TTC7A: variants seen among roughly 807,000 people sequenced by gnomAD.
The protein encoded by TTC7A is tetratricopeptide repeat domain 7A.
A neutral mutation model predicts 103.7 loss-of-function variants in TTC7A; 110 were observed. That is an observed-to-expected ratio of 1.06 (90% CI 0.91 to 1.24). The LOEUF (loss-of-function observed/expected upper bound fraction) is 1.24. Among genes scored for constraint, TTC7A ranks in the 50% most tolerant of loss-of-function variants. The probability of loss-of-function intolerance (pLI) is 0.00; values close to 1 mark genes in which losing one functional copy is unlikely to be tolerated. For missense variants in TTC7A, 1,340 were observed against 1,116.3 expected (o/e 1.20, Z -2.86); for synonymous variants, 521 against 467.9 (o/e 1.11, Z -1.47).
intron 2 of TTC7A, chr2:46,951,770 G>A (rs947644185): frequency 1.7e-5 from 7 of 419,268 alleles, no homozygotes; most frequent in African/African-American, 4.1e-5. Context: ...TTATTCCAAC[G>A]TACTGTGTGC....
intron 1 of TTC7A, among the ~76,000 whole-genome samples, chr2:46,942,729 C>T (rs1026818189): frequency 6.6e-6 from 1 of 152,120 alleles, no homozygotes; most frequent in Non-Finnish European, 1.5e-5. Context: ...GGATTTGTGC[C>T]CAGGTTTCTG....
At chr2:46,989,055 A>G (rs1221462351) in intron 5 of TTC7A, among the ~76,000 whole-genome samples, 4 of 152,188 alleles carry the variant, frequency 2.6e-5, no homozygotes, top group Non-Finnish European at 4.4e-5. Flanking sequence ...TGAGTAAGGT[A>G]AAGGAAGGGC....
At chr2:46,991,255 C>G (rs1367320248) in intron 5 of TTC7A, among the ~76,000 whole-genome samples, 2 of 151,958 alleles carry the variant, frequency 1.3e-5, no homozygotes, top group African/African-American at 4.8e-5. Flanking sequence ...GGGTGGGGGT[C>G]TCAGAATTTG....
chr2:47,061,049 C>T, intron 19 of TTC7A, 78 bp downstream of exon 19: 3 of 1,405,800 alleles, frequency 2.1e-6, no homozygotes, highest in South Asian at 2.7e-5. Flanking sequence ...CCCTCCTTGT[C>T]CCCATACTCC....
At chr2:47,035,139 GAT>G (rs2104628273) in intron 15 of TTC7A, 1 of 152,304 alleles carries the variant, frequency 6.6e-6, no homozygotes, top group South Asian at 2.1e-4. Context: ...GAGCAGGGGG[GAT>G]GAGTCCCGGG....
upstream of TTC7A, among the ~76,000 whole-genome samples, chr2:46,939,567 G>A (rs1670158571): frequency 6.6e-6 from 1 of 152,192 alleles, no homozygotes; most frequent in African/African-American, 2.4e-5. Flanking sequence ...TTCACTAGGT[G>A]CTCTACAACC....
intron 19 of TTC7A, among the ~76,000 whole-genome samples, chr2:47,061,323 A>C (rs146814712): frequency 2.1e-4 from 32 of 152,268 alleles, no homozygotes; most frequent in Non-Finnish European, 4.0e-4. Flanking sequence ...CCTTGCCCTG[A>C]AGGCTAATCC....
rs116977662 is a variant in TTC7A, at chr2:47,008,081, C to T, written c.1287+1357C>T. 5.0e-4 allele frequency among the ~76,000 whole-genome samples: 76 copies of T among 152,182 alleles called. No individual in the cohort carries two copies. In the East Asian group the frequency reaches 0.012, roughly 25 times the overall value. On this transcript the variant is annotated intron_variant, in intron 10 of 19. Transcript: ENST00000319190. ...CAGCCTGGGGTAGTAGGGACAGGGCCGGGAGGAGGTGGGGCTGGATCTTCC... is the reference window on the plus strand; with the variant it reads ...CAGCCTGGGGTAGTAGGGACAGGGCTGGGAGGAGGTGGGGCTGGATCTTCC...
intron 4 of TTC7A, among the ~76,000 whole-genome samples, chr2:46,977,776 T>C (rs760713403): frequency 2.6e-5 from 4 of 152,186 alleles, no homozygotes; most frequent in Non-Finnish European, 4.4e-5. Context: ...CCTCACTCTT[T>C]TGCCCAGGCT....
rs143287064 is a variant in TTC7A at position 46,976,820 on chromosome 2, C to G, written c.648+1717C>G. Among the ~76,000 whole-genome samples, 906 of 152,318 alleles carry G rather than the reference C, an allele frequency of 5.9e-3. 21 individuals carry two copies. Among genetic ancestry groups the G allele is most frequent in the Non-Finnish European group, 1.9e-3 (129 of 68,028 alleles). ...GTCCCCTGAGGGCAAAGTCACCCCCCTGCTGACAGCCACTGCTCTAGAAGA... is the reference window on the plus strand; with the variant it reads ...GTCCCCTGAGGGCAAAGTCACCCCCGTGCTGACAGCCACTGCTCTAGAAGA... On this transcript the variant is annotated intron_variant, in intron 4 of 19. Transcript: ENST00000319190.
rs1315941910 is a variant in TTC7A, at chr2:46,994,089, G to C, written c.844-268G>C. On this transcript the variant is annotated intron_variant, in intron 6 of 19. Transcript: ENST00000319190. ...GGCTGGGCTCCAAGGGGTCAGGAGA[G>C]GGAGGAAATGCTCCTCTTGTCTAGG... 8 of 455,260 alleles carry C rather than the reference G, an allele frequency of 1.8e-5. No homozygotes were observed. The East Asian group carries it at 3.1e-4, about 17-fold the overall frequency. The allele number at this position is 455,260 out of a possible 1,614,324, so 28.2% of individuals were successfully genotyped here.
chr2:47,044,125 C>T (rs1438043692), intron 15 of TTC7A, among the ~76,000 whole-genome samples: 2 of 152,140 alleles, frequency 1.3e-5, no homozygotes, highest in African/African-American at 4.8e-5. Context: ...CTGCTTCAAC[C>T]AGCTGCCCCA....
At chr2:47,025,467 C>T (rs1052435447) in intron 14 of TTC7A, among the ~76,000 whole-genome samples, 6 of 152,194 alleles carry the variant, frequency 3.9e-5, no homozygotes, top group African/African-American at 1.4e-4. Flanking sequence ...GGCTGCATTT[C>T]TCCTGCCTCT....
chr2:46,998,463 C>T (rs1203526098), intron 8 of TTC7A, among the ~76,000 whole-genome samples: 1 of 152,160 alleles, frequency 6.6e-6, no homozygotes, highest in African/African-American at 2.4e-5. Context: ...CTCCCAAGCT[C>T]CTGCCCTGAT....
At chr2:46,933,501 G>A (rs1445448522) in intron 2 of TTC7A, among the ~76,000 whole-genome samples, 1 of 152,234 alleles carries the variant, frequency 6.6e-6, no homozygotes, top group Admixed American at 6.5e-5. Flanking sequence ...TCTGGCAGCT[G>A]ACAAAGGAAA....
chr2:47,061,030 C>T (rs184511906), intron 19 of TTC7A, 59 bp downstream of exon 19: 97 of 1,487,260 alleles, frequency 6.5e-5, no homozygotes, highest in Non-Finnish European at 7.5e-5. Context: ...GGCCCTTATC[C>T]CGCTTTGTCC....
At chr2:46,968,440 A>G (rs557064192) in intron 3 of TTC7A, among the ~76,000 whole-genome samples, 2 of 152,322 alleles carry the variant, frequency 1.3e-5, no homozygotes, top group African/African-American at 2.4e-5. Context: ...CAGAAGGTAA[A>G]GAAAAGAAAC....
At chr2:46,998,753 T>G (rs1183550222) in intron 8 of TTC7A, among the ~76,000 whole-genome samples, 1 of 152,182 alleles carries the variant, frequency 6.6e-6, no homozygotes, top group Non-Finnish European at 1.5e-5. Flanking sequence ...TTTGCAGGCC[T>G]CCTTGTTTTG....
At chr2:46,921,319 C>T (rs1482751588) in intron 2 of TTC7A, among the ~76,000 whole-genome samples, 2 of 152,158 alleles carry the variant, frequency 1.3e-5, no homozygotes, top group Non-Finnish European at 2.9e-5. Flanking sequence ...AGCACTGTCA[C>T]AGGATACATT....
Sources: allele counts gnomAD v4.1 joint callset (sites outside exome capture counted in the v4.1 genomes callset), GRCh38; gene constraint gnomAD v4.1.1; transcripts MANE v1.5; gene names NCBI Gene and HGNC (gene_info 2026-07-23, HGNC 2026-07-21).